Variants in NTF3 observed in about 807,000 individuals in gnomAD.
The protein encoded by NTF3 is neurotrophin-3.
In NTF3, 8 loss-of-function variants were observed where a neutral mutation model predicts 26.3. The ratio of observed to expected loss-of-function variants is 0.30; its 90% CI spans 0.18 to 0.55. The LOEUF is 0.55. Among genes scored for constraint, NTF3 ranks in the 20% least tolerant of loss-of-function variants. The probability of loss-of-function intolerance (pLI) is 0.93; values close to 1 mark genes in which losing one functional copy is unlikely to be tolerated. For synonymous variants in NTF3, 154 were observed against 145.5 expected, an observed-to-expected ratio of 1.06 and a Z score of -0.42; for missense variants, 276 against 352.9, an observed-to-expected ratio of 0.78 and a Z score of 1.75.
At chr12:5,476,208 T>G (rs1183144003) in intron 1 of NTF3, among the ~76,000 whole-genome samples, 3 of 152,148 alleles carry the variant, frequency 2.0e-5, no homozygotes, top group Non-Finnish European at 4.4e-5. Context: ...CCCTTTTCAC[T>G]TTTGAAAGTT....
chr12:5,434,830 G>T (rs1940147080), intron 1 of NTF3, among the ~76,000 whole-genome samples: 1 of 151,982 alleles, frequency 6.6e-6, no homozygotes. Context: ...AGGGATGTGT[G>T]TGGGGGGTGG....
intron 1 of NTF3, among the ~76,000 whole-genome samples, chr12:5,488,849 C>T (rs1411784278): frequency 6.6e-6 from 1 of 152,194 alleles, no homozygotes; most frequent in Non-Finnish European, 1.5e-5. Context: ...TCTTTGACCC[C>T]AGCCAGAGAA....
intron 1 of NTF3, among the ~76,000 whole-genome samples, chr12:5,486,114 A>T (rs1485912935): frequency 6.6e-6 from 1 of 152,198 alleles, no homozygotes; most frequent in Non-Finnish European, 1.5e-5. Context: ...GGCAGCAGGG[A>T]GACAGGAGGG....
chr12:5,473,490 C>G (rs929942182), intron 1 of NTF3, among the ~76,000 whole-genome samples: 3 of 152,240 alleles, frequency 2.0e-5, no homozygotes, highest in Non-Finnish European at 4.4e-5. Context: ...ATGTTAACTC[C>G]TACTTGCTTT....
rs1330105041 is a variant in NTF3, at chr12:5,433,848, G to A, written c.18+1506G>A. On this transcript the variant is annotated intron_variant, in intron 1 of 1. Coordinates refer to ENST00000423158, the MANE Select transcript of NTF3 (RefSeq NM_001102654.2). The surrounding 1 kb of genome is among the most constrained non-coding windows in gnomAD (Gnocchi z 4.6). ...ATGTGTGTGAAGAGGCGGGGGCGAG[G>A]GCCTGCTGAGAGGGGAGGGGAGCCT... Among the ~76,000 whole-genome samples the A allele has an allele frequency of 6.6e-6, 1 of 152,112 alleles. No individual in the cohort carries two copies. Among genetic ancestry groups the A allele is most frequent in the Non-Finnish European group, 1.5e-5 (1 of 68,026 alleles).
intron 1 of NTF3, among the ~76,000 whole-genome samples, chr12:5,463,099 C>T (rs1206535537): frequency 6.6e-6 from 1 of 152,106 alleles, no homozygotes; most frequent in African/African-American, 2.4e-5. Flanking sequence ...CCAGGGGATG[C>T]CTTCTTCAAG....
intron 1 of NTF3, among the ~76,000 whole-genome samples, chr12:5,432,967 T>C (rs1002409260): frequency 1.3e-4 from 19 of 151,994 alleles, no homozygotes; most frequent in Non-Finnish European, 2.2e-4. Flanking sequence ...GGCCCGGGCG[T>C]GGGCTGGGGG....
chr12:5,481,678 A>G (rs111211665), intron 1 of NTF3, among the ~76,000 whole-genome samples: 1 of 128,786 alleles, frequency 7.8e-6, no homozygotes, highest in African/African-American at 2.9e-5. Flanking sequence ...ACACACATGT[A>G]TAGACATACA....
intron 1 of NTF3, among the ~76,000 whole-genome samples, chr12:5,493,799 T>C (rs1353095613): frequency 1.3e-5 from 2 of 152,116 alleles, no homozygotes; most frequent in Non-Finnish European, 2.9e-5. Context: ...TGAAGGGAAG[T>C]TACTCCATGT....
At chr12:5,465,602 T>A (rs999680860) in intron 1 of NTF3, among the ~76,000 whole-genome samples, 19 of 152,274 alleles carry the variant, frequency 1.2e-4, no homozygotes, top group African/African-American at 4.3e-4. Context: ...TCCTCATAAC[T>A]GTAGCCTGAT....
chr12:5,457,547 C>T (rs1360475568), intron 1 of NTF3, among the ~76,000 whole-genome samples: 4 of 152,162 alleles, frequency 2.6e-5, no homozygotes, highest in Non-Finnish European at 4.4e-5. Context: ...CTTTATCTGA[C>T]CTGGGCTCTC....
intron 1 of NTF3, among the ~76,000 whole-genome samples, chr12:5,448,965 C>A (rs1940338884): frequency 6.6e-6 from 1 of 152,212 alleles, no homozygotes; most frequent in South Asian, 2.1e-4. Flanking sequence ...GTGTTCTGTG[C>A]TGGACAGGAA....
intron 1 of NTF3, among the ~76,000 whole-genome samples, chr12:5,469,407 G>T (rs1275963749): frequency 6.6e-6 from 1 of 152,158 alleles, no homozygotes. Context: ...GGGACAGAAA[G>T]ATGGCCTGTG....
chr12:5,436,484 A>G (rs1940169953), intron 1 of NTF3, among the ~76,000 whole-genome samples: 1 of 152,162 alleles, frequency 6.6e-6, no homozygotes, highest in African/African-American at 2.4e-5. Context: ...GACATTTTTA[A>G]TCTCTATAAC....
intron 1 of NTF3, among the ~76,000 whole-genome samples, chr12:5,478,875 G>A (rs1234219191): frequency 1.3e-5 from 2 of 152,126 alleles, no homozygotes; most frequent in Non-Finnish European, 2.9e-5. Context: ...ACAATGTCAG[G>A]GCACATTTCT....
chr12:5,475,769 G>A (rs983413518), intron 1 of NTF3, among the ~76,000 whole-genome samples: 3 of 151,890 alleles, frequency 2.0e-5, no homozygotes, highest in East Asian at 1.9e-4. Flanking sequence ...CCAAGAGGTC[G>A]GGGCTGCAGT....
intron 1 of NTF3, among the ~76,000 whole-genome samples, chr12:5,478,763 T>TC (rs1241802134): frequency 1.3e-5 from 2 of 152,250 alleles, no homozygotes; most frequent in Non-Finnish European, 2.9e-5. Context: ...TGCACATTGG[T>TC]CCAGGGGCAG....
rs60429736 is a variant in NTF3 at position 5,455,533 on chromosome 12, A to AACACACACACACAC, written c.18+23229_18+23242dup. 3.9e-3 allele frequency among the ~76,000 whole-genome samples: 404 copies of AACACACACACACAC among 103,768 alleles called. 6 individuals carry two copies. Among genetic ancestry groups the AACACACACACACAC allele is most frequent in the African/African-American group, 0.011 (239 of 22,318 alleles). The allele number at this position is 103,768 out of a possible 152,430, so 68.1% of individuals were successfully genotyped here. ...CATCTGGCCTCTGTAACCCCTCCCC[A>AACACACACACACAC]ACACACACACACACACACACACACA... On this transcript the variant is annotated intron_variant, in intron 1 of 1. Coordinates refer to ENST00000423158, the MANE Select transcript of NTF3 (RefSeq NM_001102654.2).
chr12:5,488,787 G>A (rs967165384), intron 1 of NTF3, among the ~76,000 whole-genome samples: 2 of 152,132 alleles, frequency 1.3e-5, no homozygotes, highest in African/African-American at 2.4e-5. Flanking sequence ...TGTCATAGCC[G>A]AAGAAATTCT....
Sources: allele counts gnomAD v4.1 joint callset (sites outside exome capture counted in the v4.1 genomes callset), GRCh38; gene constraint gnomAD v4.1.1; non-coding constraint Gnocchi (gnomAD v3.1); transcripts MANE v1.5; gene names NCBI Gene and HGNC (gene_info 2026-07-23, HGNC 2026-07-21).